The following PARD3 variants were observed in gnomAD, a reference collection of about 807,000 sequenced individuals.
PARD3 encodes partitioning defective 3 homolog.
PARD3 carries 75 observed loss-of-function variants against 155.4 expected under a neutral mutation model. The observed-to-expected ratio is 0.48, with a 90% confidence interval of 0.40 to 0.58. The LOEUF is 0.58. Among genes scored for constraint, PARD3 ranks in the 20% least tolerant of loss-of-function variants. PARD3 has a pLI of 0.00. For missense variants in PARD3, 1,642 were observed against 1,721.7 expected (o/e 0.95, Z 0.82); for synonymous variants, 576 against 610.5 (o/e 0.94, Z 0.83).
intron 2 of PARD3, among the ~76,000 whole-genome samples, chr10:34,680,557 TAA>T (rs5784424): frequency 8.5e-4 from 109 of 128,564 alleles, no homozygotes; most frequent in Non-Finnish European, 7.6e-4. Context: ...AGACTCCGTC[TAA>T]AAAAAAAAAA....
intron 1 of PARD3, among the ~76,000 whole-genome samples, chr10:34,802,197 A>G (rs1335358734): frequency 3.3e-5 from 5 of 152,200 alleles, no homozygotes; most frequent in African/African-American, 9.6e-5. Flanking sequence ...TAAAAGAATC[A>G]GCTTAAACTG....
intron 22 of PARD3, among the ~76,000 whole-genome samples, chr10:34,264,981 C>G (rs186670252): frequency 7.2e-5 from 11 of 152,280 alleles, no homozygotes; most frequent in African/African-American, 2.2e-4. Flanking sequence ...AGACGCTGGG[C>G]TTCAAGCAAT....
chr10:34,555,683 GTATCT>G lies in PARD3; in HGVS notation c.223-38529_223-38525del, dbSNP rs143558033. 6.5e-3 allele frequency among the ~76,000 whole-genome samples: 994 copies of G among 152,098 alleles called. 10 individuals are homozygous for G. The highest frequency in any genetic ancestry group is 0.022 in the African/African-American group (928 of 41,462). ...ATGTATTAGTCTTTTTTAATCCTAT[GTATCT>G]TATAAGGTACCAGTTTATCCAAGCT... On this transcript the variant is annotated intron_variant, in intron 2 of 24. Transcript: ENST00000374788.
chr10:34,643,712 T>TAA (rs1245292855), intron 2 of PARD3, among the ~76,000 whole-genome samples: 1 of 152,254 alleles, frequency 6.6e-6, no homozygotes, highest in African/African-American at 2.4e-5. Flanking sequence ...GACCAGGAGT[T>TAA]AAAGGTTGGC....
intron 4 of PARD3, among the ~76,000 whole-genome samples, chr10:34,454,875 T>A (rs2077251327): frequency 6.6e-6 from 1 of 152,202 alleles, no homozygotes; most frequent in Non-Finnish European, 1.5e-5. Context: ...AGCGGTATCC[T>A]GGCTATGGAG....
At chr10:34,483,122 C>T (rs2079200910) in intron 3 of PARD3, among the ~76,000 whole-genome samples, 1 of 152,038 alleles carries the variant, frequency 6.6e-6, no homozygotes, top group Non-Finnish European at 1.5e-5. Flanking sequence ...CACCACTGCA[C>T]CCCAGCCTGG....
chr10:34,151,833 T>C (rs1318257056), intron 22 of PARD3, among the ~76,000 whole-genome samples: 1 of 152,170 alleles, frequency 6.6e-6, no homozygotes, highest in Non-Finnish European at 1.5e-5. Context: ...AAAGATATAA[T>C]ATCTCTAAAT....
At chr10:34,170,886 T>C (rs1949755035) in intron 22 of PARD3, among the ~76,000 whole-genome samples, 1 of 152,228 alleles carries the variant, frequency 6.6e-6, no homozygotes, top group Non-Finnish European at 1.5e-5. Flanking sequence ...CATATGAATA[T>C]GTATTTGCTG....
chr10:34,265,794 G>A (rs1482164585), intron 22 of PARD3, among the ~76,000 whole-genome samples: 2 of 152,176 alleles, frequency 1.3e-5, no homozygotes, highest in African/African-American at 2.4e-5. Context: ...CACTGTCTCC[G>A]GTTAATGACA....
At chr10:34,274,473 T>C (rs1415289952) in intron 21 of PARD3, among the ~76,000 whole-genome samples, 1 of 152,182 alleles carries the variant, frequency 6.6e-6, no homozygotes, top group Admixed American at 6.6e-5. Flanking sequence ...AGTTCTTTCT[T>C]ACATTCAATG....
At chr10:34,573,733 AAAAACAC>A (rs1554774177) in intron 2 of PARD3, among the ~76,000 whole-genome samples, 14,264 of 117,474 alleles carry the variant, frequency 0.12, 661 homozygotes, top group South Asian at 0.16. Flanking sequence ...ACAAACAAAC[AAAAACAC>A]ACACACACAC....
intron 1 of PARD3, among the ~76,000 whole-genome samples, chr10:34,791,261 A>T (rs1418063061): frequency 6.6e-6 from 1 of 152,156 alleles, no homozygotes; most frequent in East Asian, 1.9e-4. Context: ...AACGCAGGCA[A>T]CCCTGACAGT....
chr10:34,458,436 C>T (rs1366445561), intron 4 of PARD3, among the ~76,000 whole-genome samples: 2 of 152,096 alleles, frequency 1.3e-5, no homozygotes, highest in Admixed American at 6.5e-5. Flanking sequence ...CTCCTGGCCT[C>T]GAGAAATCCT....
At chr10:34,331,044 G>C in intron 19 of PARD3, 73 bp downstream of exon 19, 1 of 1,163,012 alleles carries the variant, frequency 8.6e-7, no homozygotes, top group East Asian at 2.4e-5. Flanking sequence ...GAAAACTCCA[G>C]GGCTCCCTGG....
At chr10:34,593,407 GAC>G (rs1372246355) in intron 2 of PARD3, among the ~76,000 whole-genome samples, 1 of 152,082 alleles carries the variant, frequency 6.6e-6, no homozygotes, top group African/African-American at 2.4e-5. Flanking sequence ...TTCCATGACA[GAC>G]ACAAATAAAC....
Position 34,145,201 on chromosome 10 carries a change from A to G in PARD3, c.3420-13618T>C, listed in dbSNP as rs1215177137. ...TGTGTGTGTGTGTGTATATATATAT[A>G]TATATATATATATATATATATTTTT... On this transcript the variant is annotated intron_variant, in intron 22 of 24. Transcript: ENST00000374788. Among the ~76,000 whole-genome samples the G allele has an allele frequency of 1.6e-3, 97 of 59,042 alleles. 2 individuals are homozygous for G. The highest frequency in any genetic ancestry group is 7.7e-3 in the Middle Eastern group (1 of 130). 38.7% of individuals were successfully genotyped at this position (59,042 alleles called of 152,430 possible).
At position 34,389,005 on chromosome 10, in the gene PARD3, T is replaced by A. The variant is rs571757270; in HGVS notation, c.891-4751A>T. ...GAACCTCCTCTACCTTCCTTATGAA[T>A]CTAAGATAAACCCTACTTGGCTTTA... On this transcript the variant is annotated intron_variant, in intron 7 of 24. Coordinates refer to ENST00000374788, the MANE Select transcript of PARD3 (RefSeq NM_001184785.2). 3.3e-5 allele frequency among the ~76,000 whole-genome samples: 5 copies of A among 152,176 alleles called. No individual in the cohort carries two copies. The South Asian group carries it at 1.0e-3, about 32-fold the overall frequency.
At chr10:34,566,523 A>G (rs1296344215) in intron 2 of PARD3, among the ~76,000 whole-genome samples, 1 of 152,222 alleles carries the variant, frequency 6.6e-6, no homozygotes, top group Non-Finnish European at 1.5e-5. Context: ...TGCAGCCTGA[A>G]CAGCTGACCA....
intron 2 of PARD3, among the ~76,000 whole-genome samples, chr10:34,530,244 GTTT>G (rs753088741): frequency 6.6e-6 from 1 of 151,726 alleles, no homozygotes; most frequent in African/African-American, 2.4e-5. Context: ...GACTTTTTCT[GTTT>G]TTTTTCTCTA....
Sources: gnomAD v4.1 joint callset for allele counts (sites outside exome capture counted in the v4.1 genomes callset) on GRCh38, gnomAD v4.1.1 for gene constraint, MANE v1.5 for transcripts, NCBI Gene and HGNC (gene_info 2026-07-23, HGNC 2026-07-21) for gene names.